The following PIK3R1 variants were observed in gnomAD, a reference collection of about 807,000 sequenced individuals.
PIK3R1 encodes phosphatidylinositol 3-kinase regulatory subunit alpha.
PIK3R1 carries 29 observed loss-of-function variants against 98.0 expected under a neutral mutation model. The observed-to-expected ratio is 0.30, with a 90% CI of 0.22 to 0.40. The LOEUF (loss-of-function observed/expected upper bound fraction) is 0.40. Among genes scored for constraint, PIK3R1 ranks in the 10% least tolerant of loss-of-function variants. The probability of loss-of-function intolerance (pLI) is 1.00; values close to 1 mark genes in which losing one functional copy is unlikely to be tolerated. For synonymous variants in PIK3R1, 282 were observed against 311.8 expected (o/e 0.90, Z 1.01); for missense variants, 596 against 872.7 (o/e 0.68, Z 3.99).
chr5:68,224,275 T>G (rs867308314), intron 1 of PIK3R1, among the ~76,000 whole-genome samples: 1 of 152,254 alleles, frequency 6.6e-6, no homozygotes, highest in East Asian at 1.9e-4. Flanking sequence ...ATTTATGCAG[T>G]GAATATTCAA....
Position 68,231,562 on chromosome 5 carries a change from C to A in PIK3R1, c.334+4553C>A, listed in dbSNP as rs185219114. 2.4e-3 allele frequency among the ~76,000 whole-genome samples: 364 copies of A among 152,324 alleles called. 1 individual carries two copies. Among genetic ancestry groups the A allele is most frequent in the African/African-American group, 8.2e-3 (341 of 41,574 alleles). ...GTTGTTCCCTGTCCAGAAAGCAGGG[C>A]TGCAATAAATCACAAACATTGACTA... is the stretch of plus-strand genomic sequence containing the variant. On this transcript the variant is annotated intron_variant, in intron 2 of 15. Coordinates refer to ENST00000521381, the MANE Select transcript of PIK3R1 (RefSeq NM_181523.3).
intron 14 of PIK3R1, chr5:68,295,720 A>G: frequency 1.8e-6 from 1 of 559,720 alleles, no homozygotes; most frequent in Non-Finnish European, 3.2e-6. Context: ...CTCTGTGTCC[A>G]TAATGATGTC....
At chr5:68,228,652 C>G (rs1201455430) in intron 2 of PIK3R1, among the ~76,000 whole-genome samples, 1 of 151,836 alleles carries the variant, frequency 6.6e-6, no homozygotes, top group Non-Finnish European at 1.5e-5. Flanking sequence ...CTTCAGTAGC[C>G]TAATTCCAAA....
chr5:68,264,712 C>T (rs757081498), intron 2 of PIK3R1, among the ~76,000 whole-genome samples: 6 of 152,144 alleles, frequency 3.9e-5, no homozygotes, highest in African/African-American at 1.2e-4. Context: ...TTGAATGTGG[C>T]GAGGTAGGAA....
chr5:68,247,743 C>G (rs937539701), intron 2 of PIK3R1, among the ~76,000 whole-genome samples: 7 of 152,088 alleles, frequency 4.6e-5, no homozygotes, highest in Admixed American at 4.6e-4. Flanking sequence ...TTTTCTAACT[C>G]TGTTGTTAGT....
rs769823842 is a variant in PIK3R1, at chr5:68,293,860, A to T, written c.1425+26A>T. On this transcript the variant is annotated intron_variant, in intron 11 of 15. Transcript: ENST00000521381. ...GTGAGTTTTCTATGAAAATCAGATT[A>T]AAAAATAAGAGTTCTAAACTTTTAA... The T allele has an allele frequency of 2.6e-6, 4 of 1,521,590 alleles. No homozygotes were observed. The East Asian group carries it at 9.3e-5, about 35-fold the overall frequency. The allele number at this position is 1,521,590 out of a possible 1,614,324, so 94.3% of individuals were successfully genotyped here.
At chr5:68,278,767 C>T (rs1431365026) in intron 4 of PIK3R1, among the ~76,000 whole-genome samples, 5 of 152,168 alleles carry the variant, frequency 3.3e-5, no homozygotes, top group African/African-American at 1.2e-4. Context: ...TGATGAAACC[C>T]TGTCTCTACT....
intron 1 of PIK3R1, among the ~76,000 whole-genome samples, chr5:68,218,719 A>C (rs1200986706): frequency 6.6e-6 from 1 of 152,216 alleles, no homozygotes; most frequent in Non-Finnish European, 1.5e-5. Context: ...TGTATGTTTC[A>C]TATGAGCTCC....
At chr5:68,288,273 A>C (rs990018532) in intron 7 of PIK3R1, 5 of 321,636 alleles carry the variant, frequency 1.6e-5, no homozygotes, top group South Asian at 1.3e-4. Flanking sequence ...GCCACTTGTC[A>C]GCCGATGACA....
intron 2 of PIK3R1, among the ~76,000 whole-genome samples, chr5:68,235,720 G>A (rs1480378157): frequency 6.6e-6 from 1 of 152,154 alleles, no homozygotes; most frequent in East Asian, 1.9e-4. Flanking sequence ...CAAGGAATGA[G>A]ATATAATGAA....
chr5:68,266,224 T>C (rs1261853714), intron 2 of PIK3R1, among the ~76,000 whole-genome samples: 1 of 152,252 alleles, frequency 6.6e-6, no homozygotes, highest in Non-Finnish European at 1.5e-5. Context: ...GCTTCTCAAG[T>C]TACATTTTAC....
In PIK3R1 at chr5:68,226,821, G is replaced by C. The variant is rs1311708045; in HGVS notation, c.146G>C (p.Arg49Thr). 1.2e-6 allele frequency: 2 copies of C among 1,614,102 alleles called. No individual in the cohort carries two copies. The highest frequency in any genetic ancestry group is 8.5e-7 in the Non-Finnish European group (1 of 1,180,014). ...ALGFSDGQEARPEEIGWLNGY... is the reference protein window; with the variant it reads ...ALGFSDGQEATPEEIGWLNGY... ...GGATTCAGTGATGGACAGGAAGCCAGGCCTGAAGAAATTGGCTGGTTAAAT... is the reference window on the plus strand; with the variant it reads ...GGATTCAGTGATGGACAGGAAGCCACGCCTGAAGAAATTGGCTGGTTAAAT... Residue 49 changes from arginine to threonine, a missense_variant, in exon 2 of 16, where the codon AGG becomes ACG. Arg to Thr is a moderately conservative substitution (Grantham distance 71, BLOSUM62 -1). Transcript: ENST00000521381.
At chr5:68,262,502 C>A (rs191369794) in intron 2 of PIK3R1, among the ~76,000 whole-genome samples, 2 of 132,590 alleles carry the variant, frequency 1.5e-5, no homozygotes, top group Non-Finnish European at 3.2e-5. Context: ...ATACATATAT[C>A]TATATATGTA....
intron 2 of PIK3R1, among the ~76,000 whole-genome samples, chr5:68,264,147 G>A (rs144343191): frequency 6.6e-6 from 1 of 152,288 alleles, no homozygotes. Flanking sequence ...TTTAATAAAT[G>A]CTGTCTTGAA....
At position 68,262,694 on chromosome 5, in the gene PIK3R1, C is replaced by T. The variant is rs200160219; in HGVS notation, c.335-10696C>T. ...GTAGATACATGTATCTGCATGTATA[C>T]ACATGTAGATGCATGTAGATGCATG... On this transcript the variant is annotated intron_variant, in intron 2 of 15. Transcript: ENST00000521381. Among the ~76,000 whole-genome samples, 55 of 23,086 alleles carry T rather than the reference C, an allele frequency of 2.4e-3. 5 individuals are homozygous for T. The highest frequency in any genetic ancestry group is 0.013 in the African/African-American group (43 of 3,396). 15.1% of individuals were successfully genotyped at this position (23,086 alleles called of 152,430 possible).
chr5:68,265,551 G>A (rs1409150659), intron 2 of PIK3R1, among the ~76,000 whole-genome samples: 1 of 152,110 alleles, frequency 6.6e-6, no homozygotes. Flanking sequence ...AAAGGTCTCT[G>A]GTGCTGCTTC....
chr5:68,258,058 G>T (rs1451404042), intron 2 of PIK3R1, among the ~76,000 whole-genome samples: 1 of 152,174 alleles, frequency 6.6e-6, no homozygotes, highest in African/African-American at 2.4e-5. Flanking sequence ...TTTCTTAGAA[G>T]AGTCAATTAG....
At chr5:68,250,469 T>TA (rs1214781015) in intron 2 of PIK3R1, among the ~76,000 whole-genome samples, 1 of 152,182 alleles carries the variant, frequency 6.6e-6, no homozygotes, top group Non-Finnish European at 1.5e-5. Flanking sequence ...TTGATAGACT[T>TA]AGACATATAA....
intron 2 of PIK3R1, among the ~76,000 whole-genome samples, chr5:68,262,677 ATGTATCTGCATGTATACACATGTAGATG>A (rs1229791415): frequency 1.6e-4 from 7 of 43,330 alleles, no homozygotes; most frequent in African/African-American, 6.9e-4. Context: ...ATGTAGATAC[ATGTATCTGCATGTATACACATGTAGATG>A]CATGTAGATG....
Sources: gnomAD v4.1 joint callset for allele counts (sites outside exome capture counted in the v4.1 genomes callset) on GRCh38, gnomAD v4.1.1 for gene constraint, MANE v1.5 for transcripts, NCBI Gene and HGNC (gene_info 2026-07-23, HGNC 2026-07-21) for gene names.